MUC5AC: variants seen among roughly 807,000 people sequenced by gnomAD.
MUC5AC encodes mucin 5AC, oligomeric mucus/gel-forming.
MUC5AC carries 158 observed loss-of-function variants against 169.7 expected under a neutral mutation model. That is an observed-to-expected ratio of 0.93 (90% CI 0.82 to 1.06). The LOEUF is 1.06. Ranked by LOEUF, MUC5AC falls within the 50% of genes least tolerant of loss-of-function variation. The pLI is 0.00. For missense variants in MUC5AC, 4,359 were observed against 3,089.9 expected, an observed-to-expected ratio of 1.41 and a Z score of -9.74; for synonymous variants, 1,975 against 1,237.0, an observed-to-expected ratio of 1.60 and a Z score of -12.52.
At chr11:1,172,033 G>A (rs1860564168) in intron 15 of MUC5AC, among the ~76,000 whole-genome samples, 2 of 152,192 alleles carry the variant, frequency 1.3e-5, no homozygotes, top group Non-Finnish European at 2.9e-5. Context: ...TGGGGAGGTG[G>A]GATCCCATTT....
Position 1,179,148 on chromosome 11 carries a change from CG to C in MUC5AC, c.3389del (p.Gly1130ValfsTer20). The C allele has an allele frequency of 3.0e-6, 2 of 675,242 alleles. No individual in the cohort carries two copies. Among genetic ancestry groups the C allele is most frequent in the South Asian group, 1.6e-5 (1 of 63,438 alleles). 41.8% of individuals were successfully genotyped at this position (675,242 alleles called of 1,614,324 possible). On this transcript the variant is annotated frameshift_variant, in exon 26 of 49. Coordinates refer to ENST00000621226, the MANE Select transcript of MUC5AC (RefSeq NM_001304359.2). LOFTEE classifies it high-confidence loss of function. ...TGAACGACGCGTGCGCCTGCGACTC[CG>C]GGGGTGACTGCGAGTGCTTCTGCAC... ...CVNDACACDS[G>X]GDCECFCTAV... is the part of the protein sequence containing the mutation.
chr11:1,193,671 G>A lies in MUC5AC; in HGVS notation c.14755+12G>A, dbSNP rs1393118846. 8 of 763,494 alleles carry A rather than the reference G, an allele frequency of 1.0e-5. No homozygotes were observed. The highest frequency in any genetic ancestry group is 1.7e-5 in the Admixed American group (1 of 58,962). 47.3% of individuals were successfully genotyped at this position (763,494 alleles called of 1,614,324 possible). On this transcript the variant is annotated intron_variant, in intron 33 of 48. Coordinates refer to ENST00000621226, the MANE Select transcript of MUC5AC (RefSeq NM_001304359.2). Reference sequence around the variant, plus strand: ...CTACCAGTGCCAGTGTGAGTGGAGCGCCGAGCGGGACCCAGGGCAGCCGGG... The same window carrying A: ...CTACCAGTGCCAGTGTGAGTGGAGCACCGAGCGGGACCCAGGGCAGCCGGG...
Position 1,189,356 on chromosome 11 carries a change from C to G in MUC5AC, c.11211C>G (p.Ile3737Met). ...CCTCGGCTCCTACCACCAGCACAAT[C>G]TCTGCCCCTACAACCAGCACAATCT... Reference protein sequence around the residue: ...STTSAPTTSTISAPTTSTISA... With the variant: ...STTSAPTTSTMSAPTTSTISA... Residue 3737 changes from isoleucine to methionine, a missense_variant, in exon 31 of 49, where the codon ATC (isoleucine) becomes ATG (methionine). Coordinates refer to ENST00000621226, the MANE Select transcript of MUC5AC (RefSeq NM_001304359.2). 1.7e-6 allele frequency: 1 copy of G among 572,432 alleles called. No homozygotes were observed. Among genetic ancestry groups the G allele is most frequent in the Non-Finnish European group, 3.1e-6 (1 of 323,836 alleles). The allele number at this position is 572,432 out of a possible 1,614,324, so 35.5% of individuals were successfully genotyped here. A position where few individuals can be genotyped will look rare whatever the true frequency, so the allele number is the denominator to read the frequency against.
At position 1,191,028 on chromosome 11, in the gene MUC5AC, A is replaced by G; in HGVS notation, c.12883A>G (p.Thr4295Ala). The G allele has an allele frequency of 2.6e-6, 2 of 757,922 alleles. No individual in the cohort carries two copies. The highest frequency in any genetic ancestry group is 1.4e-5 in the South Asian group (1 of 73,520). The allele number at this position is 757,922 out of a possible 1,614,324, so 46.9% of individuals were successfully genotyped here. Residue 4295 changes from threonine to alanine, a missense_variant, in exon 31 of 49, where the codon ACT (threonine) becomes GCT (alanine). Thr to Ala is a moderately conservative substitution (Grantham distance 58). Coordinates refer to ENST00000621226, the MANE Select transcript of MUC5AC (RefSeq NM_001304359.2). The stretch of plus-strand genomic sequence containing the variant: ...AAGCAGCATGACCTCTGGTCCTGGA[A>G]CTACTCCCAGCCCTGTTCCCACCAC... ...PTSSMTSGPG[T>A]TPSPVPTTST...
chr11:1,171,421 C>T (rs1399834535), intron 15 of MUC5AC, among the ~76,000 whole-genome samples: 2 of 98,078 alleles, frequency 2.0e-5, no homozygotes, highest in African/African-American at 7.8e-5. Flanking sequence ...TCACCTCACT[C>T]ACTCACTCAA....
intron 32 of MUC5AC, 120 bp from the exon 33 acceptor site, chr11:1,193,365 T>A: frequency 1.6e-6 from 1 of 617,858 alleles, no homozygotes; most frequent in Non-Finnish European, 2.9e-6. Context: ...GGAAGGAAAC[T>A]GGGGCACAGC....
intron 16 of MUC5AC, among the ~76,000 whole-genome samples, chr11:1,173,729 C>G (rs969207472): frequency 0.013 from 2,034 of 151,572 alleles, 46 homozygotes; most frequent in African/African-American, 0.047. Flanking sequence ...TTCACGCACT[C>G]ATCCACTCAC....
intron 44 of MUC5AC, 27 bp from the exon 45 acceptor site, chr11:1,199,060 C>T (rs781438979): frequency 1.2e-5 from 9 of 763,382 alleles, no homozygotes; most frequent in South Asian, 9.4e-5. Context: ...CGCCTGGATT[C>T]CAGCCACATG....
intron 1 of MUC5AC, among the ~76,000 whole-genome samples, chr11:1,158,430 G>A (rs1370171901): frequency 1.3e-5 from 2 of 152,174 alleles, no homozygotes; most frequent in East Asian, 1.9e-4. Context: ...GGGCCTGGTC[G>A]GGGCATTAGC....
rs774583187 is a variant in MUC5AC at position 1,194,214 on chromosome 11, G to A, written c.14860G>A (p.Val4954Met). Residue 4954 changes from valine to methionine, a missense_variant, in exon 34 of 49, where the codon GTG becomes ATG. Val to Met is a conservative substitution (Grantham distance 21). Transcript: ENST00000621226. ...TYVLVQQIVPVYGHFRVLVDN... is the reference protein window; with the variant it reads ...TYVLVQQIVPMYGHFRVLVDN... ...CGTGCTGGTGCAGCAGATTGTGCCC[G>A]TGTATGGCCACTTCCGCGTGCTCGT... The A allele has an allele frequency of 7.8e-6, 6 of 764,930 alleles. No homozygotes were observed. The highest frequency in any genetic ancestry group is 1.2e-5 in the Non-Finnish European group (5 of 417,866). The allele number at this position is 764,930 out of a possible 1,614,324, so 47.4% of individuals were successfully genotyped here.
rs1861415507 is a variant in MUC5AC at position 1,200,964 on chromosome 11, T to C, written c.*262T>C. ...TCCTCTGGCCATGCATCCAGCCTGCTGTTCTGGGGACGTGAGCATCACCTG... is the reference window on the plus strand; with the variant it reads ...TCCTCTGGCCATGCATCCAGCCTGCCGTTCTGGGGACGTGAGCATCACCTG... On this transcript the variant is annotated 3_prime_UTR_variant, in exon 49 of 49. Coordinates refer to ENST00000621226, the MANE Select transcript of MUC5AC (RefSeq NM_001304359.2). 1 of 370,494 alleles carries C rather than the reference T, an allele frequency of 2.7e-6. No individual in the cohort carries two copies. Among genetic ancestry groups the C allele is most frequent in the Admixed American group, 4.1e-5 (1 of 24,172 alleles). 23.0% of individuals were successfully genotyped at this position (370,494 alleles called of 1,614,324 possible).
rs2133762259 is a variant in MUC5AC, at chr11:1,188,436, ATC to A, written c.10295_10296del (p.Ser3432CysfsTer99). The A allele has an allele frequency of 4.7e-6, 3 of 633,176 alleles. No individual in the cohort carries two copies. The highest frequency in any genetic ancestry group is 2.9e-6 in the Non-Finnish European group (1 of 341,492). The allele number at this position is 633,176 out of a possible 1,614,324, so 39.2% of individuals were successfully genotyped here. On this transcript the variant is annotated frameshift_variant, in exon 31 of 49. Coordinates refer to ENST00000621226, the MANE Select transcript of MUC5AC (RefSeq NM_001304359.2). LOFTEE classifies it high-confidence loss of function. ...AATCTCTGCTCGTACAACCAGCATA[ATC>A]TCTGCCCCTACAACCAGCACAACCT... ...STISARTTSI[I>X]SAPTTSTTSS... is the part of the protein sequence containing the mutation.
chr11:1,192,249 G>A lies in MUC5AC; in HGVS notation c.14104G>A (p.Val4702Met), dbSNP rs772098580. ...VVQCSREEGLVCRNQDQQGPF... is the reference protein window; with the variant it reads ...VVQCSREEGLMCRNQDQQGPF... ...GCAGTGCAGCCGTGAAGAGGGCCTG[G>A]TGTGCCGGAACCAGGACCAGCAGGG... Residue 4702 changes from valine (V) to methionine (M), a missense_variant, in exon 31 of 49, where the codon GTG becomes ATG. Val to Met is a conservative substitution (Grantham distance 21). Coordinates refer to ENST00000621226, the MANE Select transcript of MUC5AC (RefSeq NM_001304359.2). 11 of 765,110 alleles carry A rather than the reference G, an allele frequency of 1.4e-5. No homozygotes were observed. The highest frequency in any genetic ancestry group is 3.4e-5 in the Admixed American group (2 of 59,022). The allele number at this position is 765,110 out of a possible 1,614,324, so 47.4% of individuals were successfully genotyped here. A position where few individuals can be genotyped will look rare whatever the true frequency, so the allele number is the denominator to read the frequency against.
chr11:1,162,246 T>C, intron 4 of MUC5AC, 78 bp downstream of exon 4: 1 of 1,545,978 alleles, frequency 6.5e-7, no homozygotes, highest in Non-Finnish European at 8.7e-7. Flanking sequence ...GGTTTCGCGG[T>C]CCTGGGAGGG....
At chr11:1,194,392 G>A (rs757737746) in intron 34 of MUC5AC, 32 bp downstream of exon 34, 3 of 710,362 alleles carry the variant, frequency 4.2e-6, no homozygotes, top group Non-Finnish European at 7.7e-6. Context: ...CGCGGAGGGG[G>A]TGGGGGACGC....
chr11:1,165,175 C>T (rs1860284815), intron 9 of MUC5AC, 127 bp from the exon 10 acceptor site: 1 of 863,586 alleles, frequency 1.2e-6, no homozygotes, highest in Non-Finnish European at 1.7e-6. Flanking sequence ...CTGGCTGAGG[C>T]CCCCGTCCTG....
rs1234177961 is a variant in MUC5AC at position 1,167,962 on chromosome 11, C to A, written c.1472C>A (p.Thr491Lys). 1 of 1,550,812 alleles carries A rather than the reference C, an allele frequency of 6.4e-7. No homozygotes were observed. Among genetic ancestry groups the A allele is most frequent in the Middle Eastern group, 1.7e-4 (1 of 5,994 alleles). ...TDSETCLKSV[T>K]LSLDGAQTVV... ...AGCGAGACCTGCCTGAAGAGCGTGA[C>A]ACTGAGCCTGGATGGGGCGCAGACG... The change falls in exon 12 of 49, where the codon ACA becomes AAA. Residue 491 changes from threonine to lysine, a missense_variant. Coordinates refer to ENST00000621226, the MANE Select transcript of MUC5AC (RefSeq NM_001304359.2).
At chr11:1,169,196 T>A in intron 15 of MUC5AC, 170 bp downstream of exon 15, 1 of 974,180 alleles carries the variant, frequency 1.0e-6, no homozygotes, top group African/African-American at 1.8e-5. Flanking sequence ...ACCCAGCTTA[T>A]GTGGAGCTTC....
At chr11:1,199,050 C>G in intron 44 of MUC5AC, 37 bp from the exon 45 acceptor site, 1 of 762,942 alleles carries the variant, frequency 1.3e-6, no homozygotes, top group Non-Finnish European at 2.4e-6. Context: ...GGGCAGCGGT[C>G]GCCTGGATTC....
Sources: gnomAD v4.1 joint callset for allele counts (sites outside exome capture counted in the v4.1 genomes callset) on GRCh38, gnomAD v4.1.1 for gene constraint, MANE v1.5 for transcripts, NCBI Gene and HGNC (gene_info 2026-07-23, HGNC 2026-07-21) for gene names.